Variants in TGFBR3 observed in about 807,000 individuals in gnomAD.
The protein encoded by TGFBR3 is transforming growth factor beta receptor type 3.
In TGFBR3, 46 loss-of-function variants were observed where a neutral mutation model predicts 87.9. The observed-to-expected ratio is 0.52, with a 90% CI of 0.41 to 0.67. The LOEUF (loss-of-function observed/expected upper bound fraction) is 0.67. Among genes scored for constraint, TGFBR3 ranks in the 30% least tolerant of loss-of-function variants. The probability of loss-of-function intolerance (pLI) is 0.00; values close to 1 mark genes in which losing one functional copy is unlikely to be tolerated. For synonymous variants in TGFBR3, 381 were observed against 391.6 expected, an observed-to-expected ratio of 0.97 and a Z score of 0.32; for missense variants, 866 against 1,041.9, an observed-to-expected ratio of 0.83 and a Z score of 2.32.
intron 5 of TGFBR3, among the ~76,000 whole-genome samples, chr1:91,732,863 C>T (rs2100819394): frequency 6.6e-6 from 1 of 152,282 alleles, no homozygotes; most frequent in South Asian, 2.1e-4. Flanking sequence ...TAAGTGACTA[C>T]TGTGCTTAGA....
At chr1:91,801,177 A>G (rs1448544936) in intron 2 of TGFBR3, 1 of 157,754 alleles carries the variant, frequency 6.3e-6, no homozygotes, top group Non-Finnish European at 1.4e-5. Flanking sequence ...CTTCTGACAC[A>G]TTGCAAGGAA....
At chr1:91,867,381 G>T (rs1678427549) in intron 1 of TGFBR3, among the ~76,000 whole-genome samples, 1 of 152,164 alleles carries the variant, frequency 6.6e-6, no homozygotes, top group African/African-American at 2.4e-5. Context: ...GGCAAGGTGG[G>T]CTGTCCCTCC....
intron 1 of TGFBR3, among the ~76,000 whole-genome samples, chr1:91,880,184 A>G (rs1228883005): frequency 6.6e-6 from 1 of 152,228 alleles, no homozygotes; most frequent in Non-Finnish European, 1.5e-5. Context: ...CAAATTGCTT[A>G]TATTCCTAGT....
chr1:91,850,828 A>G (rs191499539), intron 2 of TGFBR3, among the ~76,000 whole-genome samples: 108 of 150,112 alleles, frequency 7.2e-4, no homozygotes, highest in African/African-American at 2.6e-3. Flanking sequence ...GGCTGACTCC[A>G]GAGGCTGAAC....
chr1:91,716,086 G>C, intron 12 of TGFBR3, 150 bp downstream of exon 12: 1 of 895,674 alleles, frequency 1.1e-6, no homozygotes, highest in South Asian at 1.6e-5. Flanking sequence ...AGTCAGTCTG[G>C]AAGCGTTCTC....
chr1:91,886,382 T>A, upstream of TGFBR3: 1 of 339,294 alleles, frequency 2.9e-6, no homozygotes, highest in Non-Finnish European at 5.8e-6. Context: ...TGCTCGAGCC[T>A]GTGCTTCCCT....
rs557312545 is a variant in TGFBR3, at chr1:91,735,838, T to G, written c.385-879A>C. ...CTAGCATTTATAAAATAACTGATTT[T>G]TTCAATGTCAGAGTGAAACCTCAAA... is the stretch of plus-strand genomic sequence containing the variant. On this transcript the variant is annotated intron_variant, in intron 4 of 16. Transcript: ENST00000212355. Among the ~76,000 whole-genome samples, 7 of 152,330 alleles carry G rather than the reference T, an allele frequency of 4.6e-5. No individual in the cohort carries two copies. In the South Asian group the frequency reaches 1.5e-3, roughly 32 times the overall value.
intron 5 of TGFBR3, among the ~76,000 whole-genome samples, chr1:91,731,301 G>T (rs545828387): frequency 1.3e-5 from 2 of 152,154 alleles, no homozygotes; most frequent in Non-Finnish European, 2.9e-5. Context: ...TTGTGCTGAG[G>T]TCCGCAGCAC....
intron 1 of TGFBR3, among the ~76,000 whole-genome samples, chr1:91,874,546 G>A (rs1462347031): frequency 6.6e-6 from 1 of 152,152 alleles, no homozygotes; most frequent in Non-Finnish European, 1.5e-5. Context: ...TCACCAGACT[G>A]GAGTGCAGTG....
In TGFBR3 at chr1:91,697,955, A is replaced by G. The variant is rs1321381983; in HGVS notation, c.2329+134T>C. 43 of 813,002 alleles carry G rather than the reference A, an allele frequency of 5.3e-5. No homozygotes were observed. The Middle Eastern group carries it at 6.7e-4, about 13-fold the overall frequency. 50.4% of individuals were successfully genotyped at this position (813,002 alleles called of 1,614,324 possible). ...GAAAAAATATGAGCAAAAAGGGGAA[A>G]GGGGAAGGGGGAAGGGGGAATGAGA... On this transcript the variant is annotated intron_variant, in intron 15 of 16. Coordinates refer to ENST00000212355, the MANE Select transcript of TGFBR3 (RefSeq NM_003243.5).
intron 4 of TGFBR3, among the ~76,000 whole-genome samples, chr1:91,751,632 T>G (rs1297288927): frequency 1.3e-5 from 2 of 152,170 alleles, no homozygotes; most frequent in Non-Finnish European, 2.9e-5. Context: ...CTTTTTTTTT[T>G]TAATGCCTCT....
Position 91,720,070 on chromosome 1 carries a change from G to C in TGFBR3, c.1236C>G (p.Val412=), listed in dbSNP as rs754734057. ...PFPFPDISRR[V]WNEEGEDGLP... Reference sequence around the variant, plus strand: ...GCCCATCTTCTCCCTCTTCATTCCAGACTCTCCTGGAAATATCTGGGAAAG... The same window carrying C: ...GCCCATCTTCTCCCTCTTCATTCCACACTCTCCTGGAAATATCTGGGAAAG... The change falls in exon 9 of 17, where the codon GTC becomes GTG. Residue 412 remains valine (V), a synonymous_variant. Transcript: ENST00000212355. 1.2e-5 allele frequency: 20 copies of C among 1,614,178 alleles called. No homozygotes were observed. Among genetic ancestry groups the C allele is most frequent in the Non-Finnish European group, 1.5e-5 (18 of 1,180,034 alleles).
rs942951810 is a variant in TGFBR3, at chr1:91,690,652, G to A, written c.2437+5020C>T. ...CGGGAAGTCTGGATATTTGCTTTCC[G>A]GTGTCTATTTGCCAAATATAATTTG... On this transcript the variant is annotated intron_variant, in intron 16 of 16. Transcript: ENST00000212355. Among the ~76,000 whole-genome samples, 12 of 152,124 alleles carry A rather than the reference G, an allele frequency of 7.9e-5. No individual in the cohort carries two copies. In the South Asian group the frequency reaches 1.5e-3, roughly 18 times the overall value.
chr1:91,780,294 C>T (rs570398770), intron 3 of TGFBR3, among the ~76,000 whole-genome samples: 15 of 152,234 alleles, frequency 9.9e-5, no homozygotes, highest in South Asian at 8.3e-4. Flanking sequence ...CAAAGCTTTT[C>T]CCTTTTACAT....
rs768238642 is a variant in TGFBR3, at chr1:91,727,629, C to G, written c.885+30G>C. ...CTTAAATTGTTGTCATTTATCTAAA[C>G]AAAACAAAAGACATGCTCCACCAAC... On this transcript the variant is annotated intron_variant, in intron 7 of 16. Coordinates refer to ENST00000212355, the MANE Select transcript of TGFBR3 (RefSeq NM_003243.5). 1.2e-5 allele frequency: 20 copies of G among 1,613,602 alleles called. 1 individual carries two copies. The highest frequency in any genetic ancestry group is 1.7e-4 in the Middle Eastern group (1 of 6,054).
intron 3 of TGFBR3, chr1:91,770,763 G>C (rs1674351496): frequency 6.6e-6 from 1 of 152,198 alleles, no homozygotes; most frequent in Admixed American, 6.5e-5. Flanking sequence ...GTGGTAGTGA[G>C]AAATCTGTAA....
intron 3 of TGFBR3, among the ~76,000 whole-genome samples, chr1:91,790,968 T>C (rs1412525441): frequency 6.6e-6 from 1 of 152,152 alleles, no homozygotes; most frequent in African/African-American, 2.4e-5. Flanking sequence ...GAAAAGGTGT[T>C]CGTGTATTAA....
At chr1:91,711,203 C>T (rs1396448836) in intron 13 of TGFBR3, among the ~76,000 whole-genome samples, 1 of 152,182 alleles carries the variant, frequency 6.6e-6, no homozygotes, top group African/African-American at 2.4e-5. Context: ...CAAAAGCAAA[C>T]CTAGGAATAT....
intron 2 of TGFBR3, among the ~76,000 whole-genome samples, chr1:91,855,090 G>C (rs1404366354): frequency 6.6e-6 from 1 of 152,158 alleles, no homozygotes; most frequent in African/African-American, 2.4e-5. Context: ...AGAGTTCAGA[G>C]CTTTCTGAGC....
Sources: allele counts gnomAD v4.1 joint callset (sites outside exome capture counted in the v4.1 genomes callset), GRCh38; gene constraint gnomAD v4.1.1; transcripts MANE v1.5; gene names NCBI Gene and HGNC (gene_info 2026-07-23, HGNC 2026-07-21).